CHM: variants seen among roughly 807,000 people sequenced by gnomAD.
The protein encoded by CHM is rab proteins geranylgeranyltransferase component A 1.
Under a neutral mutation model 49.0 loss-of-function variants are expected in CHM, and 10 were observed. The observed-to-expected ratio is 0.20, with a 90% CI of 0.13 to 0.35. CHM has a LOEUF of 0.35. Ranked by LOEUF, CHM falls within the 10% of genes least tolerant of loss-of-function variation. The pLI is 1.00. For synonymous variants in CHM, 184 were observed against 167.5 expected (o/e 1.10, Z -0.76); for missense variants, 455 against 478.4 (o/e 0.95, Z 0.46).
chrX:85,969,083 A>T, intron 4 of CHM: 1 of 674,082 alleles, frequency 1.5e-6, no homozygotes, highest in Admixed American at 8.7e-5. Context: ...ATAAATCAGT[A>T]GAATTTTAGA....
chrX:85,948,811 G>A (rs913712311), intron 8 of CHM, among the ~76,000 whole-genome samples: 2 of 111,406 alleles, frequency 1.8e-5, no homozygotes, highest in Non-Finnish European at 3.8e-5. Context: ...ATGTATAGAT[G>A]GTAATAGTGT....
intron 8 of CHM, among the ~76,000 whole-genome samples, chrX:85,934,276 A>C (rs867662803): frequency 2.1e-5 from 2 of 95,359 alleles, no homozygotes; most frequent in Non-Finnish European, 4.1e-5. Flanking sequence ...CACTGCGCTC[A>C]GCCTTTTTTT....
At chrX:85,931,373 A>C (rs1928427253) in intron 8 of CHM, among the ~76,000 whole-genome samples, 1 of 111,621 alleles carries the variant, frequency 9.0e-6, no homozygotes, top group African/African-American at 3.3e-5. Flanking sequence ...AAAATAGACC[A>C]GTTCGATTTG....
rs759227830 is a variant in CHM, at chrX:85,937,346, C to T, written c.1166+18807G>A. On this transcript the variant is annotated intron_variant, in intron 8 of 14. Transcript: ENST00000357749. ...TAAGATTTCAGCTCCAAACACTTGCCTTAATTCAAATATCAGCCTTGCCCT... is the reference window on the plus strand; with the variant it reads ...TAAGATTTCAGCTCCAAACACTTGCTTTAATTCAAATATCAGCCTTGCCCT... Among the ~76,000 whole-genome samples, 52 of 110,245 alleles carry T rather than the reference C, an allele frequency of 4.7e-4. No individual in the cohort carries two copies. The South Asian group carries it at 0.016, about 34-fold the overall frequency.
intron 2 of CHM, among the ~76,000 whole-genome samples, chrX:86,007,860 G>A (rs1349931997): frequency 4.5e-5 from 5 of 111,793 alleles, no homozygotes; most frequent in Non-Finnish European, 9.4e-5. Context: ...AATTCCTCAG[G>A]GATCTAGAAC....
intron 4 of CHM, chrX:85,970,561 T>C: frequency 2.4e-6 from 1 of 410,685 alleles, no homozygotes; most frequent in Non-Finnish European, 3.1e-6. Flanking sequence ...GGCTCTGCTA[T>C]CTCTAGCATT....
At position 85,981,849 on chromosome X, in the gene CHM, G is replaced by C. The variant is rs182010908; in HGVS notation, c.117-40C>G. 8.6e-3 allele frequency: 8,507 copies of C among 992,310 alleles called. 33 individuals carry two copies. The highest frequency in any genetic ancestry group is 0.01 in the Non-Finnish European group (7,643 of 728,069). 81.8% of individuals were successfully genotyped at this position (992,310 alleles called of 1,213,427 possible). A position where few individuals can be genotyped will look rare whatever the true frequency, so the allele number is the denominator to read the frequency against. ...AAAAAAAAAAAAAGTAAAGAAAATG[G>C]TATAAAAATCAATTCACTGATCTTC... On this transcript the variant is annotated intron_variant, in intron 2 of 14. Transcript: ENST00000357749.
At chrX:85,885,376 T>A (rs1238999974) in intron 12 of CHM, among the ~76,000 whole-genome samples, 2 of 110,207 alleles carry the variant, frequency 1.8e-5, no homozygotes, top group Non-Finnish European at 3.8e-5. Flanking sequence ...AGATTAGACA[T>A]AAATGAAATC....
chrX:85,899,390 C>A (rs1926104311), intron 11 of CHM, among the ~76,000 whole-genome samples: 1 of 111,334 alleles, frequency 9.0e-6, no homozygotes, highest in African/African-American at 3.3e-5. Context: ...TGGCTACTGT[C>A]TTTTCCTACC....
chrX:86,025,281 TAAGACCTAGGTTC>T (rs1426487196), intron 2 of CHM, among the ~76,000 whole-genome samples: 1 of 112,122 alleles, frequency 8.9e-6, no homozygotes, highest in African/African-American at 3.2e-5. Context: ...CTTGTCAAAG[TAAGACCTAGGTTC>T]TTATATTTTT....
At chrX:85,962,983 C>T (rs1477561898) in intron 5 of CHM, among the ~76,000 whole-genome samples, 1 of 111,484 alleles carries the variant, frequency 9.0e-6, no homozygotes, top group Non-Finnish European at 1.9e-5. Context: ...CAAACCTGAA[C>T]ACATGATTTT....
At chrX:86,036,211 G>C (rs1446575568) in intron 1 of CHM, among the ~76,000 whole-genome samples, 1 of 111,149 alleles carries the variant, frequency 9.0e-6, no homozygotes, top group African/African-American at 3.3e-5. Context: ...GTACAGCTTG[G>C]TTTTATATAT....
intron 12 of CHM, among the ~76,000 whole-genome samples, chrX:85,881,968 A>G (rs1467706364): frequency 1.3e-4 from 15 of 112,059 alleles, no homozygotes; most frequent in African/African-American, 4.8e-4. Flanking sequence ...TTCTATTTCC[A>G]TTTATTTTTT....
At position 85,952,207 on chromosome X, in the gene CHM, C is replaced by G. The variant is rs758873456; in HGVS notation, c.1166+3946G>C. Among the ~76,000 whole-genome samples, 4 of 111,506 alleles carry G rather than the reference C, an allele frequency of 3.6e-5. No homozygotes were observed. The South Asian group carries it at 1.5e-3, about 42-fold the overall frequency. On this transcript the variant is annotated intron_variant, in intron 8 of 14. Transcript: ENST00000357749. ...GCTTAGAGCCCATGGACTAGGGCAG[C>G]ACATGACCTAGGGAGAAACAGCCTG... is the stretch of plus-strand genomic sequence containing the variant.
intron 12 of CHM, among the ~76,000 whole-genome samples, chrX:85,886,358 A>G (rs901085949): frequency 1.8e-5 from 2 of 111,965 alleles, no homozygotes; most frequent in Admixed American, 9.5e-5. Context: ...AACATGTTCT[A>G]TTGTGCTCAG....
chrX:85,975,751 A>G (rs983876253), intron 4 of CHM, among the ~76,000 whole-genome samples: 7 of 112,300 alleles, frequency 6.2e-5, no homozygotes, highest in Non-Finnish European at 1.3e-4. Flanking sequence ...CTTGACTGTG[A>G]CAGTGAATAC....
At chrX:85,964,085 TTA>T (rs758296840) in intron 4 of CHM, 33 bp from the exon 5 acceptor site, 16 of 1,159,042 alleles carry the variant, frequency 1.4e-5, no homozygotes, top group Admixed American at 2.2e-5. Flanking sequence ...ACACCAGGCT[TTA>T]TATATATATT....
intron 2 of CHM, chrX:86,027,089 T>C (rs895745540): frequency 2.6e-5 from 3 of 117,289 alleles, no homozygotes; most frequent in South Asian, 6.8e-4. Flanking sequence ...TCAAAATCTA[T>C]TGGCTGACTT....
chrX:85,934,727 AGTGCCACAATAAACATAT>A (rs2148199384), intron 8 of CHM, among the ~76,000 whole-genome samples: 2 of 110,582 alleles, frequency 1.8e-5, no homozygotes, highest in East Asian at 5.8e-4. Context: ...TATTGTGAAT[AGTGCCACAATAAACATAT>A]GTGTCCATGT....
Sources: allele counts gnomAD v4.1 joint callset (sites outside exome capture counted in the v4.1 genomes callset), GRCh38; gene constraint gnomAD v4.1.1; transcripts MANE v1.5; gene names NCBI Gene and HGNC (gene_info 2026-07-23, HGNC 2026-07-21).